WDPCP: variants seen among roughly 807,000 people sequenced by gnomAD.
WDPCP encodes the protein WD repeat containing planar cell polarity effector, also known as WD repeat-containing and planar cell polarity effector protein fritz homolog.
In WDPCP, 71 loss-of-function variants were observed where a neutral mutation model predicts 93.1. The observed-to-expected ratio is 0.76, with a 90% CI of 0.63 to 0.93. The LOEUF (loss-of-function observed/expected upper bound fraction) is 0.93. WDPCP is among the 40% of genes least tolerant of loss of function. The probability of loss-of-function intolerance (pLI) is 0.00; values close to 1 mark genes in which losing one functional copy is unlikely to be tolerated. For synonymous variants in WDPCP, 315 were observed against 315.0 expected (o/e 1.00, Z 0.00); for missense variants, 844 against 887.4 (o/e 0.95, Z 0.62).
chr2:63,378,587 A>T, intron 11 of WDPCP, 78 bp from the exon 12 acceptor site: 2 of 1,599,498 alleles, frequency 1.3e-6, no homozygotes, highest in Non-Finnish European at 1.7e-6. Context: ...GTTTGCAGTC[A>T]GTCAGGTTTT....
the WDPCP span, among the ~76,000 whole-genome samples, chr2:63,837,909 G>A: frequency 3.3e-5 from 5 of 152,132 alleles, no homozygotes; most frequent in Non-Finnish European, 5.9e-5. Context: ...TTTGAGACAA[G>A]CCTGGCCAAC....
At chr2:63,714,280 C>A (rs1369240955) in intron 2 of WDPCP, among the ~76,000 whole-genome samples, 1 of 151,858 alleles carries the variant, frequency 6.6e-6, no homozygotes, top group Non-Finnish European at 1.5e-5. Flanking sequence ...GCTGGTCAGG[C>A]TGGTCTCGAA....
chr2:63,141,164 C>T (rs1224810993), intron 17 of WDPCP, among the ~76,000 whole-genome samples: 3 of 152,018 alleles, frequency 2.0e-5, no homozygotes, highest in Non-Finnish European at 2.9e-5. Flanking sequence ...CTGCAACCTC[C>T]GCCTCCTGGG....
chr2:63,818,776 T>C (rs1045996372), intron 1 of WDPCP, among the ~76,000 whole-genome samples: 1 of 152,152 alleles, frequency 6.6e-6, no homozygotes, highest in South Asian at 2.1e-4. Context: ...AGAATCCTTA[T>C]AGAGGTGATT....
intron 2 of WDPCP, among the ~76,000 whole-genome samples, chr2:63,694,037 T>C (rs73937260): frequency 0.065 from 9,853 of 152,300 alleles, 488 homozygotes; most frequent in African/African-American, 0.13. Flanking sequence ...ATTTTTAAAT[T>C]CTTCTCTGCA....
intron 2 of WDPCP, among the ~76,000 whole-genome samples, chr2:63,794,084 G>A (rs1300665821): frequency 6.6e-6 from 1 of 152,074 alleles, no homozygotes; most frequent in East Asian, 1.9e-4. Context: ...TTTTCATGTG[G>A]TCAACCCGGC....
intron 1 of WDPCP, among the ~76,000 whole-genome samples, chr2:63,565,901 A>G (rs1030726508): frequency 1.3e-5 from 2 of 152,110 alleles, no homozygotes; most frequent in African/African-American, 2.4e-5. Flanking sequence ...AGTCCTGTCT[A>G]TTCTATATCC....
At chr2:63,651,745 T>G (rs1558875761) in intron 2 of WDPCP, among the ~76,000 whole-genome samples, 1 of 152,212 alleles carries the variant, frequency 6.6e-6, no homozygotes, top group Non-Finnish European at 1.5e-5. Flanking sequence ...ACAAAATACC[T>G]TCACAGCAAC....
intron 12 of WDPCP, among the ~76,000 whole-genome samples, chr2:63,343,839 C>T (rs1689013874): frequency 1.3e-5 from 2 of 152,218 alleles, no homozygotes; most frequent in East Asian, 1.9e-4. Context: ...TTATATTTTC[C>T]AGCTCCAACT....
chr2:63,224,356 T>A (rs1238220945), intron 14 of WDPCP, among the ~76,000 whole-genome samples: 4 of 151,940 alleles, frequency 2.6e-5, no homozygotes, highest in African/African-American at 9.7e-5. Context: ...CTAAACATAC[T>A]CATACTGTAT....
intron 9 of WDPCP, among the ~76,000 whole-genome samples, chr2:63,424,097 G>A (rs993215566): frequency 1.3e-5 from 2 of 152,090 alleles, no homozygotes; most frequent in Admixed American, 1.3e-4. Flanking sequence ...GTGATGGCAG[G>A]GGAACGCTCT....
At chr2:63,226,621 A>G (rs964132502) in intron 14 of WDPCP, among the ~76,000 whole-genome samples, 1 of 151,900 alleles carries the variant, frequency 6.6e-6, no homozygotes, top group Non-Finnish European at 1.5e-5. Context: ...TCAAATACCT[A>G]GATTATTAGC....
intron 1 of WDPCP, among the ~76,000 whole-genome samples, chr2:63,568,749 C>T (rs1178036272): frequency 2.0e-5 from 3 of 152,198 alleles, no homozygotes; most frequent in African/African-American, 7.2e-5. Flanking sequence ...GAGGAAGTAA[C>T]TTGTGGAATG....
intron 6 of WDPCP, among the ~76,000 whole-genome samples, chr2:63,452,319 T>C (rs535926808): frequency 2.8e-4 from 43 of 152,192 alleles, no homozygotes; most frequent in African/African-American, 9.6e-4. Context: ...GAGAGCCAAA[T>C]CACGAGCGAA....
At chr2:63,631,073 G>A (rs1373377128) in intron 3 of WDPCP, among the ~76,000 whole-genome samples, 1 of 152,100 alleles carries the variant, frequency 6.6e-6, no homozygotes, top group East Asian at 1.9e-4. Flanking sequence ...CTGAGGTAAG[G>A]AGTTCGACAC....
chr2:63,589,274 T>C, upstream of WDPCP: 8 of 1,551,104 alleles, frequency 5.2e-6, no homozygotes, highest in African/African-American at 1.4e-5. Flanking sequence ...TCTGGAGAAG[T>C]AGTTGTCCTG....
intron 2 of WDPCP, among the ~76,000 whole-genome samples, chr2:63,755,264 T>C (rs987523138): frequency 6.6e-6 from 1 of 152,210 alleles, no homozygotes; most frequent in African/African-American, 2.4e-5. Flanking sequence ...CAAGAATCAC[T>C]GACAGCCATC....
At chr2:63,468,138 T>C (rs1371957307) in intron 6 of WDPCP, among the ~76,000 whole-genome samples, 2 of 152,200 alleles carry the variant, frequency 1.3e-5, no homozygotes, top group Non-Finnish European at 2.9e-5. Context: ...CTCAGCACCA[T>C]GCTTCAGCCT....
intron 12 of WDPCP, among the ~76,000 whole-genome samples, chr2:63,349,656 A>C (rs1427709040): frequency 6.6e-6 from 1 of 152,212 alleles, no homozygotes; most frequent in Non-Finnish European, 1.5e-5. Flanking sequence ...CCCATATAAA[A>C]AAGGTATATA....
Sources: allele counts gnomAD v4.1 joint callset (sites outside exome capture counted in the v4.1 genomes callset), GRCh38; gene constraint gnomAD v4.1.1; transcripts MANE v1.5; gene names NCBI Gene and HGNC (gene_info 2026-07-23, HGNC 2026-07-21).